RBMS3: variants seen among roughly 807,000 people sequenced by gnomAD.
The protein encoded by RBMS3 is RNA-binding motif, single-stranded-interacting protein 3.
Under a neutral mutation model 66.8 loss-of-function variants are expected in RBMS3, and 27 were observed. The observed-to-expected ratio is 0.40, with a 90% CI of 0.30 to 0.56. The LOEUF is 0.56. Among genes scored for constraint, RBMS3 ranks in the 20% least tolerant of loss-of-function variants. The probability of loss-of-function intolerance (pLI) is 0.40; values close to 1 mark genes in which losing one functional copy is unlikely to be tolerated. For synonymous variants in RBMS3, 188 were observed against 183.0 expected (o/e 1.03, Z -0.22); for missense variants, 513 against 549.5 (o/e 0.93, Z 0.66).
At chr3:29,954,900 T>C (rs559108306) in intron 12 of RBMS3, among the ~76,000 whole-genome samples, 9 of 152,044 alleles carry the variant, frequency 5.9e-5, no homozygotes, top group Non-Finnish European at 1.3e-4. Context: ...TTCAAGAATA[T>C]GTTAATAGAA....
intron 3 of RBMS3, among the ~76,000 whole-genome samples, chr3:29,565,197 A>T (rs185094331): frequency 6.6e-6 from 1 of 152,308 alleles, no homozygotes. Context: ...CCAAACGTTT[A>T]TCTTGTATAT....
At chr3:29,391,023 G>A in intron 1 of RBMS3, 1 of 394,250 alleles carries the variant, frequency 2.5e-6, no homozygotes, top group South Asian at 2.1e-5. Flanking sequence ...AATGAGCTTT[G>A]TATGTCAAGT....
intron 10 of RBMS3, among the ~76,000 whole-genome samples, chr3:29,916,073 A>G (rs2060632463): frequency 6.6e-6 from 1 of 152,048 alleles, no homozygotes; most frequent in Non-Finnish European, 1.5e-5. Context: ...GGTCAGGCAT[A>G]TGATGAGAAA....
rs1238549977 is a variant in RBMS3, at chr3:29,897,477, T to G, written c.888+2T>G. On this transcript the variant is annotated splice_donor_variant, in intron 9 of 14. Coordinates refer to ENST00000383767, the MANE Select transcript of RBMS3 (RefSeq NM_001003793.3). LOFTEE classifies it high-confidence loss of function. ...GCTTCCCCTGTCTCCACATACCAGG[T>G]ATGTCCAATTTACCTGCACCTTAGG... 6.2e-7 allele frequency: 1 copy of G among 1,607,752 alleles called. No homozygotes were observed. The highest frequency in any genetic ancestry group is 1.7e-5 in the Admixed American group (1 of 59,736).
At chr3:29,710,173 GT>G in intron 4 of RBMS3, among the ~76,000 whole-genome samples, 1 of 152,218 alleles carries the variant, frequency 6.6e-6, no homozygotes, top group African/African-American at 2.4e-5. Context: ...ATTATTGGAA[GT>G]TTTTTTGATT....
chr3:29,339,827 G>A (rs1575575253), intron 1 of RBMS3, among the ~76,000 whole-genome samples: 2 of 152,080 alleles, frequency 1.3e-5, no homozygotes, highest in South Asian at 4.1e-4. Context: ...GAAAAGAGAC[G>A]AACTATTGCC....
rs2046647180 is a variant in RBMS3 at position 29,563,972 on chromosome 3, A to G, written c.308-23142A>G. Among the ~76,000 whole-genome samples, 5 of 151,496 alleles carry G rather than the reference A, an allele frequency of 3.3e-5. No individual in the cohort carries two copies. The South Asian group carries it at 1.0e-3, about 32-fold the overall frequency. On this transcript the variant is annotated intron_variant, in intron 3 of 14. Coordinates refer to ENST00000383767, the MANE Select transcript of RBMS3 (RefSeq NM_001003793.3). ...ATTGAGGCCGTAGTGAGCTATGGTC[A>G]CACCACTGCTCTCAACAGTGTGAGA...
At chr3:29,309,439 A>C (rs552744263) in intron 1 of RBMS3, among the ~76,000 whole-genome samples, 1 of 151,930 alleles carries the variant, frequency 6.6e-6, no homozygotes, top group Non-Finnish European at 1.5e-5. Context: ...TATTTGTATC[A>C]TAATGTACTG....
Position 29,884,470 on chromosome 3 carries a change from C to CTCTCTCTCTCTCT in RBMS3, c.791+262_791+263insTCTCTCTCTCTCT, listed in dbSNP as rs1491200120. Among the ~76,000 whole-genome samples, 3 of 70,548 alleles carry CTCTCTCTCTCTCT rather than the reference C, an allele frequency of 4.3e-5. 1 individual carries two copies. The highest frequency in any genetic ancestry group is 1.1e-3 in the South Asian group (2 of 1,892). The allele number at this position is 70,548 out of a possible 152,430, so 46.3% of individuals were successfully genotyped here. A position where few individuals can be genotyped will look rare whatever the true frequency, so the allele number is the denominator to read the frequency against. On this transcript the variant is annotated intron_variant, in intron 8 of 14. Transcript: ENST00000383767. ...TCTCTCTCTCTCTCTCTCTCTCTCT[C>CTCTCTCTCTCTCT]CCCCCCCGCTCCCTCCCTCCCTCCC...
chr3:29,347,610 T>G (rs2036654863), intron 1 of RBMS3, among the ~76,000 whole-genome samples: 1 of 152,172 alleles, frequency 6.6e-6, no homozygotes, highest in Non-Finnish European at 1.5e-5. Context: ...ATTATGTGGA[T>G]TCCACGCAGT....
At chr3:29,629,082 G>T (rs1028354438) in intron 4 of RBMS3, among the ~76,000 whole-genome samples, 6 of 152,186 alleles carry the variant, frequency 3.9e-5, no homozygotes, top group African/African-American at 1.4e-4. Context: ...ATTGTATCTG[G>T]TTGGTAGCTG....
chr3:29,604,224 T>A (rs1312108509), intron 4 of RBMS3, among the ~76,000 whole-genome samples: 1 of 151,992 alleles, frequency 6.6e-6, no homozygotes, highest in Non-Finnish European at 1.5e-5. Context: ...TTTTTACATA[T>A]TGTAACTAGC....
chr3:29,441,165 A>T (rs1225548763), intron 2 of RBMS3, among the ~76,000 whole-genome samples: 1 of 152,162 alleles, frequency 6.6e-6, no homozygotes, highest in Non-Finnish European at 1.5e-5. Flanking sequence ...GGAATCTTTA[A>T]ACCCTGCCTT....
At chr3:29,950,672 C>T (rs976682355) in intron 12 of RBMS3, among the ~76,000 whole-genome samples, 1 of 151,650 alleles carries the variant, frequency 6.6e-6, no homozygotes, top group African/African-American at 2.4e-5. Context: ...GCAAAATGCC[C>T]GAACCATAAA....
chr3:29,291,232 T>A lies in RBMS3; in HGVS notation c.75+9476T>A, dbSNP rs564888000. Among the ~76,000 whole-genome samples, 5 of 152,010 alleles carry A rather than the reference T, an allele frequency of 3.3e-5. No individual in the cohort carries two copies. In the South Asian group the frequency reaches 1.0e-3, roughly 32 times the overall value. ...GCATTTGTTTCCTTGCACCAGTGTT[T>A]TTGTAGGTCTTTAAGATGGTCAGAG... is the stretch of plus-strand genomic sequence containing the variant. On this transcript the variant is annotated intron_variant, in intron 1 of 14. Coordinates refer to ENST00000383767, the MANE Select transcript of RBMS3 (RefSeq NM_001003793.3).
intron 2 of RBMS3, 34 bp from the exon 3 acceptor site, chr3:29,488,407 A>G (rs765922309): frequency 6.5e-7 from 1 of 1,529,428 alleles, no homozygotes; most frequent in Admixed American, 1.8e-5. Flanking sequence ...ATGGGTTACA[A>G]TAACATGGGT....
chr3:29,297,004 C>T (rs6799108), intron 1 of RBMS3, among the ~76,000 whole-genome samples: 132,484 of 151,348 alleles, frequency 0.88, 58,135 homozygotes, highest in Middle Eastern at 0.92. Context: ...TTAGTGAGAG[C>T]AGAAACATTT....
chr3:29,422,478 G>A (rs916766417), intron 1 of RBMS3, among the ~76,000 whole-genome samples: 2 of 150,892 alleles, frequency 1.3e-5, no homozygotes, highest in African/African-American at 2.4e-5. Flanking sequence ...ATATTCTTTC[G>A]AGAAATTCTC....
intron 12 of RBMS3, among the ~76,000 whole-genome samples, chr3:29,970,853 G>C (rs557118151): frequency 6.6e-5 from 10 of 152,128 alleles, no homozygotes; most frequent in African/African-American, 2.4e-4. Flanking sequence ...CATATTGTTC[G>C]TTCCAATAAC....
Sources: allele counts gnomAD v4.1 joint callset (sites outside exome capture counted in the v4.1 genomes callset), GRCh38; gene constraint gnomAD v4.1.1; transcripts MANE v1.5; gene names NCBI Gene and HGNC (gene_info 2026-07-23, HGNC 2026-07-21).